The following CHST3 variants were observed in gnomAD, a reference collection of about 807,000 sequenced individuals.
CHST3 encodes the protein C6ST-1.
In CHST3, 20 loss-of-function variants were observed where a neutral mutation model predicts 35.4. That is an observed-to-expected ratio of 0.57 (90% CI 0.40 to 0.82). The LOEUF (loss-of-function observed/expected upper bound fraction) is 0.82. Among genes scored for constraint, CHST3 ranks in the 40% least tolerant of loss-of-function variants. CHST3 has a pLI of 0.00. For missense variants in CHST3, 693 were observed against 670.1 expected (o/e 1.03, Z -0.38); for synonymous variants, 334 against 295.9 (o/e 1.13, Z -1.32).
intron 1 of CHST3, among the ~76,000 whole-genome samples, chr10:72,000,033 A>T (rs1234395696): frequency 6.6e-6 from 1 of 152,216 alleles, no homozygotes; most frequent in Non-Finnish European, 1.5e-5. Context: ...TTTTGCCCAC[A>T]GTTGGTGGCC....
chr10:71,995,382 G>A (rs899158734), intron 1 of CHST3, among the ~76,000 whole-genome samples: 6 of 146,386 alleles, frequency 4.1e-5, no homozygotes, highest in East Asian at 2.0e-4. Flanking sequence ...CCGAGATCAC[G>A]CCACTGCGCT....
chr10:71,979,403 G>A (rs1191990965), intron 1 of CHST3, among the ~76,000 whole-genome samples: 1 of 151,930 alleles, frequency 6.6e-6, no homozygotes, highest in Non-Finnish European at 1.5e-5. Flanking sequence ...CGGGAGAGGG[G>A]TTAGATGGCA....
intron 1 of CHST3, among the ~76,000 whole-genome samples, chr10:71,967,308 G>T (rs567424682): frequency 1.3e-5 from 2 of 152,176 alleles, no homozygotes; most frequent in South Asian, 4.2e-4. Flanking sequence ...GGTGGTTTTT[G>T]ATCCTCACCC....
At chr10:71,980,369 AAACTCATGCTTATC>A (rs1839788128) in intron 1 of CHST3, among the ~76,000 whole-genome samples, 1 of 152,192 alleles carries the variant, frequency 6.6e-6, no homozygotes. Flanking sequence ...GTGAAAAAAG[AAACTCATGCTTATC>A]AACTCATGCT....
In CHST3 at chr10:72,008,592, C is replaced by A; in HGVS notation, c.*121C>A. The A allele has an allele frequency of 2.8e-6, 4 of 1,429,654 alleles. No individual in the cohort carries two copies. The highest frequency in any genetic ancestry group is 2.7e-6 in the Non-Finnish European group (3 of 1,094,536). 88.6% of individuals were successfully genotyped at this position (1,429,654 alleles called of 1,614,324 possible). A position where few individuals can be genotyped will look rare whatever the true frequency, so the allele number is the denominator to read the frequency against. ...GGCAGCGCCTCCTGTAGCAGTAGGG[C>A]CCCCAGCCAGCGCTCCAGCCAAAGC... On this transcript the variant is annotated 3_prime_UTR_variant, in exon 3 of 3. Coordinates refer to ENST00000373115, the MANE Select transcript of CHST3 (RefSeq NM_004273.5).
At chr10:72,005,556 A>C (rs1840030024) in intron 1 of CHST3, among the ~76,000 whole-genome samples, 180 bp from the exon 2 acceptor site, 1 of 152,226 alleles carries the variant, frequency 6.6e-6, no homozygotes, top group Non-Finnish European at 1.5e-5. Context: ...ATGGTTCATT[A>C]GCATTTTAAA....
intron 1 of CHST3, among the ~76,000 whole-genome samples, chr10:71,986,646 T>C (rs1309947384): frequency 6.6e-6 from 1 of 152,168 alleles, no homozygotes; most frequent in Admixed American, 6.5e-5. Flanking sequence ...TAGGTGAGTG[T>C]CCCTGTAAGT....
At position 71,979,846 on chromosome 10, in the gene CHST3, C is replaced by G. The variant is rs141325771; in HGVS notation, c.-108+15152C>G. On this transcript the variant is annotated intron_variant, in intron 1 of 2. Coordinates refer to ENST00000373115, the MANE Select transcript of CHST3 (RefSeq NM_004273.5). ...GATGGAACTGTTTAGTTATTTGGTC[C>G]GTATGCGTATAGACACCTCAGTAGG... Among the ~76,000 whole-genome samples, 68 of 152,266 alleles carry G rather than the reference C, an allele frequency of 4.5e-4. 1 individual carries two copies. Among genetic ancestry groups the G allele is most frequent in the African/African-American group, 1.6e-3 (66 of 41,530 alleles).
At chr10:71,999,534 A>G (rs1318771808) in intron 1 of CHST3, among the ~76,000 whole-genome samples, 1 of 151,946 alleles carries the variant, frequency 6.6e-6, no homozygotes, top group East Asian at 1.9e-4. Context: ...CATCCCCTCA[A>G]CCTCTCCCTA....
chr10:71,978,651 T>C (rs11000123), intron 1 of CHST3, among the ~76,000 whole-genome samples: 97,120 of 152,114 alleles, frequency 0.64, 31,987 homozygotes, highest in African/African-American at 0.81. Flanking sequence ...ATGTGGTAGG[T>C]GCTGTCCTTA....
intron 1 of CHST3, among the ~76,000 whole-genome samples, chr10:71,996,217 G>A (rs934467686): frequency 2.0e-5 from 3 of 152,146 alleles, no homozygotes; most frequent in African/African-American, 7.2e-5. Flanking sequence ...GTATACAATA[G>A]TTGCTGTAAA....
chr10:72,004,289 G>C (rs559259751), intron 1 of CHST3, among the ~76,000 whole-genome samples: 3 of 152,220 alleles, frequency 2.0e-5, no homozygotes, highest in South Asian at 4.2e-4. Context: ...ATAATGAGGG[G>C]CCCAGATGAA....
intron 2 of CHST3, 49 bp from the exon 3 acceptor site, chr10:72,007,123 G>C: frequency 6.2e-7 from 1 of 1,601,612 alleles, no homozygotes. Context: ...TTGCCCAGGA[G>C]ACGGGGTCCC....
At chr10:71,966,222 G>A (rs2131733741) in intron 1 of CHST3, among the ~76,000 whole-genome samples, 1 of 152,148 alleles carries the variant, frequency 6.6e-6, no homozygotes, top group South Asian at 2.1e-4. Flanking sequence ...TTTCTTCCTG[G>A]CTCCTGATGG....
chr10:71,973,966 C>T (rs939266190), intron 1 of CHST3, among the ~76,000 whole-genome samples: 2 of 152,312 alleles, frequency 1.3e-5, no homozygotes, highest in South Asian at 2.1e-4. Flanking sequence ...GCCGGGCTGC[C>T]TTCACGGGAA....
intron 1 of CHST3, among the ~76,000 whole-genome samples, chr10:71,995,273 A>C (rs1839928826): frequency 6.6e-6 from 1 of 151,894 alleles, no homozygotes; most frequent in African/African-American, 2.4e-5. Flanking sequence ...AAAAATACAA[A>C]AATTAGCCTG....
chr10:72,009,683 C>G lies in CHST3; in HGVS notation c.*1212C>G, dbSNP rs866928391. Reference sequence around the variant, plus strand: ...CCCCTGAGAAGCCCGCCTTCTCCCTCGTGGACAGGAGTCAGCCAGTTGGTT... The same window carrying G: ...CCCCTGAGAAGCCCGCCTTCTCCCTGGTGGACAGGAGTCAGCCAGTTGGTT... On this transcript the variant is annotated 3_prime_UTR_variant, in exon 3 of 3. Transcript: ENST00000373115. 6.6e-6 allele frequency: 1 copy of G among 152,474 alleles called. No homozygotes were observed. The highest frequency in any genetic ancestry group is 1.5e-5 in the Non-Finnish European group (1 of 68,182). The allele number at this position is 152,474 out of a possible 1,614,324, so 9.4% of individuals were successfully genotyped here. A position where few individuals can be genotyped will look rare whatever the true frequency, so the allele number is the denominator to read the frequency against.
intron 1 of CHST3, among the ~76,000 whole-genome samples, chr10:71,968,103 G>A (rs1340075923): frequency 2.6e-5 from 4 of 151,882 alleles, no homozygotes; most frequent in South Asian, 2.1e-4. Flanking sequence ...GGCATGAGCC[G>A]CCTCGCTTGG....
At chr10:71,977,252 C>T (rs977538399) in intron 1 of CHST3, among the ~76,000 whole-genome samples, 5 of 152,222 alleles carry the variant, frequency 3.3e-5, no homozygotes, top group Admixed American at 6.5e-5. Context: ...CCAGCCTGCC[C>T]GCTCAGCTTC....
Sources: allele counts gnomAD v4.1 joint callset (sites outside exome capture counted in the v4.1 genomes callset), GRCh38; gene constraint gnomAD v4.1.1; transcripts MANE v1.5; gene names NCBI Gene and HGNC (gene_info 2026-07-23, HGNC 2026-07-21).